The following RHOBTB3 variants were observed in gnomAD, a reference collection of about 807,000 sequenced individuals.
RHOBTB3 encodes the protein Rho related BTB domain containing 3.
In RHOBTB3, 47 loss-of-function variants were observed where a neutral mutation model predicts 67.2. The ratio of observed to expected loss-of-function variants is 0.70; its 90% CI spans 0.55 to 0.89. The LOEUF (loss-of-function observed/expected upper bound fraction) is 0.89. Ranked by LOEUF, RHOBTB3 falls within the 40% of genes least tolerant of loss-of-function variation. The pLI, the probability that RHOBTB3 is intolerant of heterozygous loss-of-function variation, is 0.00. For synonymous variants in RHOBTB3, 273 were observed against 274.2 expected, an observed-to-expected ratio of 1.00 and a Z score of 0.04; for missense variants, 631 against 750.0, an observed-to-expected ratio of 0.84 and a Z score of 1.85.
chr5:95,782,500 A>G (rs536913981), intron 9 of RHOBTB3: 2 of 152,318 alleles, frequency 1.3e-5, no homozygotes, highest in South Asian at 4.1e-4. Flanking sequence ...ATGCCAATGA[A>G]TCATATACTT....
chr5:95,794,240 AG>A lies in RHOBTB3; in HGVS notation c.*1068del, dbSNP rs2112846979. 3.6e-6 allele frequency: 1 copy of A among 281,034 alleles called. No individual in the cohort carries two copies. The highest frequency in any genetic ancestry group is 8.8e-5 in the East Asian group (1 of 11,300). The allele number at this position is 281,034 out of a possible 1,614,324, so 17.4% of individuals were successfully genotyped here. ...TTCTTGATCATTCTGTAAGACCAGG[AG>A]GTTGGTAAGAGTGACTAACCAGCCT... On this transcript the variant is annotated 3_prime_UTR_variant, in exon 12 of 12. Transcript: ENST00000379982.
chr5:95,736,339 A>G (rs1024784067), intron 2 of RHOBTB3, among the ~76,000 whole-genome samples: 3 of 152,204 alleles, frequency 2.0e-5, no homozygotes, highest in South Asian at 4.1e-4. Flanking sequence ...CTCACCCCAC[A>G]TTCATACTCT....
intron 1 of RHOBTB3, among the ~76,000 whole-genome samples, chr5:95,725,690 C>T (rs1420655783): frequency 6.6e-6 from 1 of 152,208 alleles, no homozygotes; most frequent in African/African-American, 2.4e-5. Context: ...CTTGTATAAC[C>T]TCTTACAGTG....
intron 1 of RHOBTB3, among the ~76,000 whole-genome samples, chr5:95,723,379 T>C (rs1754954414): frequency 6.6e-6 from 1 of 152,106 alleles, no homozygotes; most frequent in Non-Finnish European, 1.5e-5. Context: ...TTAAAAGAAA[T>C]TGACAATTTA....
chr5:95,728,871 G>A (rs1207187491), upstream of RHOBTB3, among the ~76,000 whole-genome samples: 1 of 152,168 alleles, frequency 6.6e-6, no homozygotes, highest in African/African-American at 2.4e-5. Context: ...CAAGATGGTG[G>A]TGACAGTGAC....
Position 95,731,367 on chromosome 5 carries a change from C to G in RHOBTB3, c.-316C>G, listed in dbSNP as rs1196955049. The G allele has an allele frequency of 3.5e-6, 4 of 1,144,306 alleles. No individual in the cohort carries two copies. The East Asian group carries it at 1.8e-4, about 52-fold the overall frequency. 70.9% of individuals were successfully genotyped at this position (1,144,306 alleles called of 1,614,324 possible). On this transcript the variant is annotated 5_prime_UTR_variant, in exon 1 of 12. Transcript: ENST00000379982. Reference sequence around the variant, plus strand: ...AGGCGACAGCTGCCAGCCGAGGAGGCGCGGCGGAGAGGGGACTGCGGTCAG... The same window carrying G: ...AGGCGACAGCTGCCAGCCGAGGAGGGGCGGCGGAGAGGGGACTGCGGTCAG...
chr5:95,770,560 G>T, intron 8 of RHOBTB3: 1 of 403,526 alleles, frequency 2.5e-6, no homozygotes, highest in Non-Finnish European at 5.0e-6. Context: ...AGGAATCATT[G>T]GCCCAACGAA....
intron 8 of RHOBTB3, among the ~76,000 whole-genome samples, chr5:95,778,742 A>G (rs1745964063): frequency 6.6e-6 from 1 of 152,266 alleles, no homozygotes; most frequent in Non-Finnish European, 1.5e-5. Flanking sequence ...GTCAAATGGC[A>G]TGACCTGTTT....
At chr5:95,762,022 G>A (rs1745408260) in intron 6 of RHOBTB3, among the ~76,000 whole-genome samples, 1 of 152,128 alleles carries the variant, frequency 6.6e-6, no homozygotes, top group Non-Finnish European at 1.5e-5. Flanking sequence ...AGGAGGAAGG[G>A]GAGCAATCAG....
At chr5:95,783,367 C>T (rs1414186799) in intron 9 of RHOBTB3, among the ~76,000 whole-genome samples, 6 of 151,210 alleles carry the variant, frequency 4.0e-5, no homozygotes, top group Admixed American at 3.9e-4. Flanking sequence ...CGTGATCCGC[C>T]CACCTCGGCC....
intron 8 of RHOBTB3, chr5:95,769,977 A>G (rs1439191335): frequency 4.7e-6 from 2 of 427,376 alleles, no homozygotes; most frequent in Non-Finnish European, 9.4e-6. Flanking sequence ...CAGCTTAAAG[A>G]TATGGCTCTT....
At chr5:95,728,420 T>C (rs1373305287), upstream of RHOBTB3, among the ~76,000 whole-genome samples, 1 of 152,232 alleles carries the variant, frequency 6.6e-6, no homozygotes, top group Non-Finnish European at 1.5e-5. Flanking sequence ...TTCTTCCAAA[T>C]CTAACAAATT....
intron 10 of RHOBTB3, among the ~76,000 whole-genome samples, chr5:95,785,778 T>TA (rs1470546756): frequency 2.6e-5 from 4 of 152,216 alleles, no homozygotes; most frequent in African/African-American, 9.6e-5. Context: ...TCATACTTTT[T>TA]AAAAAATTGG....
chr5:95,727,084 C>A (rs772378119), upstream of RHOBTB3, among the ~76,000 whole-genome samples: 6 of 151,878 alleles, frequency 4.0e-5, no homozygotes, highest in Non-Finnish European at 8.8e-5. Flanking sequence ...TTAAAAATTG[C>A]GTTTGTTTTT....
chr5:95,746,344 C>T (rs1487385507), intron 3 of RHOBTB3, among the ~76,000 whole-genome samples: 2 of 152,078 alleles, frequency 1.3e-5, no homozygotes, highest in Admixed American at 6.6e-5. Context: ...ATAAGATGAT[C>T]TGGCTACCCA....
chr5:95,782,404 T>A (rs1282614310), intron 9 of RHOBTB3: 1 of 152,164 alleles, frequency 6.6e-6, no homozygotes, highest in Non-Finnish European at 1.5e-5. Context: ...TTAGTGTTTA[T>A]TGGGTACAGA....
At chr5:95,772,536 A>G (rs987578449) in intron 8 of RHOBTB3, among the ~76,000 whole-genome samples, 7 of 152,036 alleles carry the variant, frequency 4.6e-5, no homozygotes, top group Non-Finnish European at 1.0e-4. Context: ...GATGTTCCCA[A>G]ACCCCTCAGT....
At chr5:95,738,796 C>T (rs1755523071) in intron 3 of RHOBTB3, among the ~76,000 whole-genome samples, 2 of 152,006 alleles carry the variant, frequency 1.3e-5, no homozygotes, top group Admixed American at 1.3e-4. Flanking sequence ...CCTCGTTAGC[C>T]AAATTTAATA....
At position 95,768,101 on chromosome 5, in the gene RHOBTB3, A is replaced by G. The variant is rs1028846729; in HGVS notation, c.1217A>G (p.Tyr406Cys). Residue 406 changes from tyrosine to cysteine, a missense_variant, in exon 8 of 12, where the codon TAT becomes TGT. By Grantham distance (194) the Tyr-to-Cys change is radical. Coordinates refer to ENST00000379982, the MANE Select transcript of RHOBTB3 (RefSeq NM_014899.4). ...TYQARKPLWFYNTSLKFFLNK... is the reference protein window; with the variant it reads ...TYQARKPLWFCNTSLKFFLNK... ...CAAGCCAGAAAACCTTTGTGGTTTT[A>G]TAACACTTCCCTCAAGTTTTTCCTT... 6.8e-6 allele frequency: 11 copies of G among 1,613,068 alleles called. No homozygotes were observed. Among genetic ancestry groups the G allele is most frequent in the East Asian group, 2.2e-5 (1 of 44,878 alleles).
Sources: allele counts gnomAD v4.1 joint callset (sites outside exome capture counted in the v4.1 genomes callset), GRCh38; gene constraint gnomAD v4.1.1; transcripts MANE v1.5; gene names NCBI Gene and HGNC (gene_info 2026-07-23, HGNC 2026-07-21).